The following PPM1D variants were observed in gnomAD, a reference collection of about 807,000 sequenced individuals.
PPM1D encodes the protein protein phosphatase, Mg2+/Mn2+ dependent 1D.
In PPM1D, 52 loss-of-function variants were observed where a neutral mutation model predicts 58.3. That is an observed-to-expected ratio of 0.89 (90% CI 0.71 to 1.12). The LOEUF is 1.12. Ranked by LOEUF, PPM1D falls within the 50% of genes most tolerant of loss-of-function variation. The pLI, the probability that PPM1D is intolerant of heterozygous loss-of-function variation, is 0.00. For synonymous variants in PPM1D, 278 were observed against 285.1 expected, an observed-to-expected ratio of 0.98 and a Z score of 0.25; for missense variants, 564 against 777.2, an observed-to-expected ratio of 0.73 and a Z score of 3.26.
At chr17:60,648,967 G>T (rs189096636) in intron 4 of PPM1D, among the ~76,000 whole-genome samples, 69 of 151,452 alleles carry the variant, frequency 4.6e-4, no homozygotes, top group African/African-American at 1.5e-3. Flanking sequence ...GTTTCATCAT[G>T]TTGGCCAGGC....
intron 3 of PPM1D, among the ~76,000 whole-genome samples, chr17:60,642,057 A>C (rs1010806092): frequency 6.6e-6 from 1 of 152,236 alleles, no homozygotes; most frequent in African/African-American, 2.4e-5. Context: ...GTGTACAAAC[A>C]CTAGACCAGT....
chr17:60,631,800 A>G (rs952880498), intron 2 of PPM1D, among the ~76,000 whole-genome samples: 15 of 152,248 alleles, frequency 9.9e-5, no homozygotes, highest in African/African-American at 3.6e-4. Context: ...TCCCATTTGA[A>G]GTAAAGCTCA....
At chr17:60,659,931 G>A (rs1265545885) in intron 5 of PPM1D, among the ~76,000 whole-genome samples, 1 of 152,240 alleles carries the variant, frequency 6.6e-6, no homozygotes, top group Non-Finnish European at 1.5e-5. Context: ...GTGCATTTAG[G>A]CTGGGTGTGG....
intron 1 of PPM1D, among the ~76,000 whole-genome samples, chr17:60,601,952 G>T (rs1004136478): frequency 6.6e-6 from 1 of 152,192 alleles, no homozygotes; most frequent in African/African-American, 2.4e-5. Context: ...GCATAATAAC[G>T]TTGCTTTATT....
chr17:60,645,920 A>T (rs555467622), intron 3 of PPM1D, among the ~76,000 whole-genome samples: 7 of 152,022 alleles, frequency 4.6e-5, no homozygotes. Flanking sequence ...AGGTGGGAGG[A>T]TTGCTTGAAT....
intron 1 of PPM1D, among the ~76,000 whole-genome samples, chr17:60,609,713 C>T (rs115459569): frequency 1.2e-4 from 18 of 152,178 alleles, no homozygotes; most frequent in African/African-American, 4.1e-4. Flanking sequence ...GTGTGGTTAT[C>T]GGATCAACTC....
chr17:60,653,351 C>T (rs188117476), intron 4 of PPM1D, among the ~76,000 whole-genome samples: 82 of 152,166 alleles, frequency 5.4e-4, no homozygotes, highest in Admixed American at 2.9e-3. Flanking sequence ...CTGCAAATTG[C>T]GTGGATTTAT....
intron 3 of PPM1D, among the ~76,000 whole-genome samples, chr17:60,638,336 T>C (rs1428292766): frequency 6.6e-6 from 1 of 152,200 alleles, no homozygotes; most frequent in African/African-American, 2.4e-5. Flanking sequence ...CTTTGCTGTA[T>C]TACTTTTCAA....
chr17:60,652,467 A>C (rs1467912094), intron 4 of PPM1D, among the ~76,000 whole-genome samples: 2 of 151,464 alleles, frequency 1.3e-5, no homozygotes, highest in East Asian at 1.9e-4. Context: ...GGGAGTGCAG[A>C]TATACCTTCA....
At chr17:60,645,492 GTATGTGTATATATA>G (rs2031219029) in intron 3 of PPM1D, among the ~76,000 whole-genome samples, 1 of 132,094 alleles carries the variant, frequency 7.6e-6, no homozygotes, top group East Asian at 2.4e-4. Flanking sequence ...GTGTGTGTGT[GTATGTGTATATATA>G]TATGTGTATA....
intron 3 of PPM1D, among the ~76,000 whole-genome samples, chr17:60,643,046 G>A (rs145968464): frequency 0.017 from 2,406 of 140,894 alleles, 33 homozygotes; most frequent in Non-Finnish European, 0.027. Flanking sequence ...GCGAGACTCC[G>A]TCTCAAAAGA....
chr17:60,622,175 G>T (rs2030720314), intron 1 of PPM1D, among the ~76,000 whole-genome samples: 1 of 150,332 alleles, frequency 6.7e-6, no homozygotes, highest in African/African-American at 2.4e-5. Flanking sequence ...GGACGACAGA[G>T]CGAGACTCTG....
intron 2 of PPM1D, among the ~76,000 whole-genome samples, chr17:60,627,949 G>A (rs1240049481): frequency 1.3e-5 from 2 of 151,008 alleles, no homozygotes; most frequent in Non-Finnish European, 2.9e-5. Context: ...GCAGTGGCAC[G>A]ATCTCGTCTC....
chr17:60,653,167 G>C (rs558153317), intron 4 of PPM1D, among the ~76,000 whole-genome samples: 1 of 152,224 alleles, frequency 6.6e-6, no homozygotes, highest in Non-Finnish European at 1.5e-5. Flanking sequence ...GAATAGAATT[G>C]TGGTTACCAA....
intron 1 of PPM1D, among the ~76,000 whole-genome samples, chr17:60,602,043 G>A (rs1469456825): frequency 6.6e-6 from 1 of 152,222 alleles, no homozygotes; most frequent in African/African-American, 2.4e-5. Context: ...TTGTCATAGA[G>A]TTGTAGATTA....
chr17:60,605,564 A>C (rs2030312849), intron 1 of PPM1D, among the ~76,000 whole-genome samples: 1 of 152,238 alleles, frequency 6.6e-6, no homozygotes, highest in South Asian at 2.1e-4. Context: ...TTTTTTAATT[A>C]AAATTTCTCC....
At chr17:60,638,238 T>C (rs968472166) in intron 3 of PPM1D, among the ~76,000 whole-genome samples, 2 of 152,228 alleles carry the variant, frequency 1.3e-5, no homozygotes, top group Non-Finnish European at 2.9e-5. Flanking sequence ...TAAAAAAGCT[T>C]TTTTCCTCTT....
At chr17:60,634,694 G>T (rs2030990531) in intron 3 of PPM1D, among the ~76,000 whole-genome samples, 1 of 152,148 alleles carries the variant, frequency 6.6e-6, no homozygotes, top group South Asian at 2.1e-4. Context: ...GAAGGCTAGA[G>T]AATTACACCT....
At chr17:60,637,955 A>T (rs533413266) in intron 3 of PPM1D, among the ~76,000 whole-genome samples, 2 of 152,290 alleles carry the variant, frequency 1.3e-5, no homozygotes, top group African/African-American at 4.8e-5. Context: ...TGGAGGGAGG[A>T]TTGAAAAATG....
Sources: allele counts gnomAD v4.1 joint callset (sites outside exome capture counted in the v4.1 genomes callset), GRCh38; gene constraint gnomAD v4.1.1; transcripts MANE v1.5; gene names NCBI Gene and HGNC (gene_info 2026-07-23, HGNC 2026-07-21).